The following PPP3CB variants were observed in gnomAD, a reference collection of about 807,000 sequenced individuals.
PPP3CB encodes serine/threonine-protein phosphatase 2B catalytic subunit beta isoform.
In PPP3CB, 8 loss-of-function variants were observed where a neutral mutation model predicts 66.4. The observed-to-expected ratio is 0.12, with a 90% CI of 0.07 to 0.22. The LOEUF (loss-of-function observed/expected upper bound fraction) is 0.22. PPP3CB is among the 10% of genes least tolerant of loss of function. The pLI, the probability that PPP3CB is intolerant of heterozygous loss-of-function variation, is 1.00. For missense variants in PPP3CB, 319 were observed against 642.5 expected (o/e 0.50, Z 5.44); for synonymous variants, 208 against 221.2 (o/e 0.94, Z 0.53).
At chr10:73,439,991 ATATC>A in intron 12 of PPP3CB, 90 bp from the exon 13 acceptor site, 1 of 1,276,656 alleles carries the variant, frequency 7.8e-7, no homozygotes, top group South Asian at 1.2e-5. Flanking sequence ...ATCACTTAAA[ATATC>A]ACAGTATCCC....
Position 73,438,006 on chromosome 10 carries a change from C to T in PPP3CB, c.*236G>A. 2.5e-6 allele frequency: 1 copy of T among 392,390 alleles called. No individual in the cohort carries two copies. Among genetic ancestry groups the T allele is most frequent in the Non-Finnish European group, 4.5e-6 (1 of 222,848 alleles). 24.3% of individuals were successfully genotyped at this position (392,390 alleles called of 1,614,324 possible). On this transcript the variant is annotated 3_prime_UTR_variant, in exon 14 of 14. Transcript: ENST00000360663. ...TGTGGATGCCCTCCACTGGAAATTGCCCCAAGCCCCTTGCTCACTGCTCTC... is the reference window on the plus strand; with the variant it reads ...TGTGGATGCCCTCCACTGGAAATTGTCCCAAGCCCCTTGCTCACTGCTCTC...
At chr10:73,485,776 C>T (rs190948507) in intron 1 of PPP3CB, among the ~76,000 whole-genome samples, 4 of 152,150 alleles carry the variant, frequency 2.6e-5, no homozygotes, top group East Asian at 3.9e-4. Flanking sequence ...AGTCTCGCAT[C>T]GTCGCCGGGG....
At chr10:73,443,286 C>CAGACAGAAAGAAAGAAAGAAAGAA (rs1441809416) in intron 12 of PPP3CB, among the ~76,000 whole-genome samples, 7 of 115,708 alleles carry the variant, frequency 6.0e-5, no homozygotes, top group South Asian at 3.1e-4. Flanking sequence ...GAAAGAAAGA[C>CAGACAGAAAGAAAGAAAGAAAGAA]AGAAAGAAAG....
At chr10:73,478,669 A>T in intron 2 of PPP3CB, 46 bp from the exon 3 acceptor site, 2 of 1,548,450 alleles carry the variant, frequency 1.3e-6, no homozygotes, top group South Asian at 1.2e-5. Context: ...TCTCTAAAAC[A>T]ACAAATTTTA....
chr10:73,473,175 G>A (rs1403604295), intron 4 of PPP3CB, among the ~76,000 whole-genome samples: 1 of 152,144 alleles, frequency 6.6e-6, no homozygotes, highest in Non-Finnish European at 1.5e-5. Context: ...TTAACTGCCT[G>A]ATCCTTGAAG....
chr10:73,457,260 G>GAAAAAAAA lies in PPP3CB; in HGVS notation c.1109-2779_1109-2772dup, dbSNP rs35129439. Among the ~76,000 whole-genome samples, 63 of 69,020 alleles carry GAAAAAAAA rather than the reference G, an allele frequency of 9.1e-4. 1 individual carries two copies. The highest frequency in any genetic ancestry group is 1.2e-3 in the African/African-American group (22 of 18,424). The allele number at this position is 69,020 out of a possible 152,430, so 45.3% of individuals were successfully genotyped here. On this transcript the variant is annotated intron_variant, in intron 9 of 13. Coordinates refer to ENST00000360663, the MANE Select transcript of PPP3CB (RefSeq NM_021132.4). ...ACACAAAGATCCCATCTCTAAAAAA[G>GAAAAAAAA]AAAAAAAAAAAAAAAAAAAAAAAAA...
chr10:73,445,705 T>C (rs2056237048), intron 11 of PPP3CB, among the ~76,000 whole-genome samples: 1 of 151,300 alleles, frequency 6.6e-6, no homozygotes, highest in Non-Finnish European at 1.5e-5. Context: ...AGTGTTGGGA[T>C]TACAGGCGTG....
At chr10:73,459,360 C>T (rs533630903) in intron 9 of PPP3CB, among the ~76,000 whole-genome samples, 3 of 152,242 alleles carry the variant, frequency 2.0e-5, no homozygotes, top group African/African-American at 7.2e-5. Context: ...GTGGCGGGCA[C>T]CTGTAGTCCC....
At chr10:73,486,066 C>T (rs914552483) in intron 1 of PPP3CB, among the ~76,000 whole-genome samples, 1 of 151,990 alleles carries the variant, frequency 6.6e-6, no homozygotes, top group Non-Finnish European at 1.5e-5. Flanking sequence ...CTGCCTCAGC[C>T]TCCTGAGCAG....
intron 12 of PPP3CB, among the ~76,000 whole-genome samples, chr10:73,443,175 A>G (rs1416180114): frequency 6.6e-6 from 1 of 151,222 alleles, no homozygotes; most frequent in East Asian, 1.9e-4. Context: ...GCAAGAAACC[A>G]GACCCTGTCT....
rs1564575141 is a variant in PPP3CB at position 73,495,830 on chromosome 10, AGGGGGCGGC to A, written c.51_59del (p.Pro19_Pro21del). 1.1e-6 allele frequency: 1 copy of A among 938,284 alleles called. No individual in the cohort carries two copies. The highest frequency in any genetic ancestry group is 1.5e-6 in the Non-Finnish European group (1 of 680,890). 58.1% of individuals were successfully genotyped at this position (938,284 alleles called of 1,614,324 possible). ...CTTTGACGACGCGGTCAGCCCCGGG[AGGGGGCGGC>A]GGGGGCGGGGGTGGGGGCGGTGCAG... On this transcript the variant is annotated inframe_deletion, in exon 1 of 14. Coordinates refer to ENST00000360663, the MANE Select transcript of PPP3CB (RefSeq NM_021132.4).
At chr10:73,443,314 AAG>A (rs1452584025) in intron 12 of PPP3CB, among the ~76,000 whole-genome samples, 2 of 148,432 alleles carry the variant, frequency 1.3e-5, no homozygotes, top group African/African-American at 5.2e-5. Flanking sequence ...GAAAGAAAGA[AAG>A]AAAGAAAGAA....
intron 12 of PPP3CB, among the ~76,000 whole-genome samples, chr10:73,443,460 A>G (rs912256713): frequency 6.6e-6 from 1 of 152,198 alleles, no homozygotes; most frequent in Admixed American, 6.5e-5. Flanking sequence ...TCCCTCTAAA[A>G]AAGTCACTAA....
chr10:73,452,729 G>A (rs1309747934), intron 10 of PPP3CB, among the ~76,000 whole-genome samples: 1 of 151,542 alleles, frequency 6.6e-6, no homozygotes, highest in Non-Finnish European at 1.5e-5. Flanking sequence ...TTAAAATAAG[G>A]AAGAGTAATT....
At chr10:73,492,406 G>C (rs2057093485) in intron 1 of PPP3CB, among the ~76,000 whole-genome samples, 1 of 152,064 alleles carries the variant, frequency 6.6e-6, no homozygotes, top group South Asian at 2.1e-4. Flanking sequence ...TAAGTATCTG[G>C]GGAAAAAAGG....
intron 3 of PPP3CB, among the ~76,000 whole-genome samples, chr10:73,477,985 G>A (rs1374149530): frequency 1.3e-5 from 2 of 151,986 alleles, no homozygotes; most frequent in African/African-American, 2.4e-5. Flanking sequence ...ATAATCAAAA[G>A]GTCATTTTAA....
chr10:73,465,353 C>T (rs760204384), intron 9 of PPP3CB, among the ~76,000 whole-genome samples: 12 of 152,096 alleles, frequency 7.9e-5, no homozygotes, highest in African/African-American at 1.2e-4. Context: ...CTTAGCCTCC[C>T]TAGCAGCTGG....
chr10:73,464,154 T>A (rs2056578172), intron 9 of PPP3CB, among the ~76,000 whole-genome samples: 2 of 152,050 alleles, frequency 1.3e-5, no homozygotes, highest in South Asian at 4.1e-4. Flanking sequence ...GGTCTTGAAC[T>A]CCTAACCTGA....
chr10:73,460,186 C>T (rs540139736), intron 9 of PPP3CB, among the ~76,000 whole-genome samples: 278 of 139,286 alleles, frequency 2.0e-3, no homozygotes, highest in African/African-American at 6.7e-3. Context: ...AGCCATTTAA[C>T]GGATATTAAA....
Sources: gnomAD v4.1 joint callset for allele counts (sites outside exome capture counted in the v4.1 genomes callset) on GRCh38, gnomAD v4.1.1 for gene constraint, MANE v1.5 for transcripts, NCBI Gene and HGNC (gene_info 2026-07-23, HGNC 2026-07-21) for gene names.